The following NTM variants were observed in gnomAD, a reference collection of about 807,000 sequenced individuals.
NTM encodes IgLON family member 2.
In NTM, 13 loss-of-function variants were observed where a neutral mutation model predicts 42.1. That is an observed-to-expected ratio of 0.31 (90% CI 0.20 to 0.49). NTM has a LOEUF of 0.49. Ranked by LOEUF, NTM falls within the 20% of genes least tolerant of loss-of-function variation. NTM has a pLI of 0.99. For missense variants in NTM, 373 were observed against 452.8 expected, an observed-to-expected ratio of 0.82 and a Z score of 1.60; for synonymous variants, 187 against 179.2, an observed-to-expected ratio of 1.04 and a Z score of -0.35.
At chr11:131,793,427 T>C (rs2136165198) in intron 1 of NTM, among the ~76,000 whole-genome samples, 1 of 152,340 alleles carries the variant, frequency 6.6e-6, no homozygotes, top group Admixed American at 6.5e-5. Flanking sequence ...ACAGATACAC[T>C]GTGCCCAATA....
chr11:131,758,247 C>A (rs779185365), intron 1 of NTM, among the ~76,000 whole-genome samples: 3 of 152,048 alleles, frequency 2.0e-5, no homozygotes, highest in Non-Finnish European at 4.4e-5. Flanking sequence ...TTTAATACAA[C>A]TTCTGTCTTC....
chr11:132,031,197 A>G (rs1185137839), intron 2 of NTM, among the ~76,000 whole-genome samples: 1 of 152,220 alleles, frequency 6.6e-6, no homozygotes, highest in Non-Finnish European at 1.5e-5. Context: ...AATCTACCAC[A>G]CAAACCAGAA....
At chr11:131,925,117 G>A (rs2057761991) in intron 2 of NTM, among the ~76,000 whole-genome samples, 3 of 152,152 alleles carry the variant, frequency 2.0e-5, no homozygotes, top group Non-Finnish European at 4.4e-5. Context: ...TTACCTTGAG[G>A]CAAATGAGCA....
At chr11:131,643,785 AC>A (rs1190577369) in intron 1 of NTM, among the ~76,000 whole-genome samples, 1 of 152,180 alleles carries the variant, frequency 6.6e-6, no homozygotes, top group Admixed American at 6.5e-5. Context: ...TCTGTGGGTC[AC>A]AGAATACAGG....
At chr11:131,940,878 G>GACA (rs962271388) in intron 2 of NTM, among the ~76,000 whole-genome samples, 2 of 152,170 alleles carry the variant, frequency 1.3e-5, no homozygotes. Flanking sequence ...ACCTTGCTTT[G>GACA]ACAACATAGT....
At chr11:132,239,847 C>T (rs2089849521) in intron 4 of NTM, among the ~76,000 whole-genome samples, 1 of 152,234 alleles carries the variant, frequency 6.6e-6, no homozygotes, top group South Asian at 2.1e-4. Context: ...AAGGACATCA[C>T]TAATTTATTT....
intron 1 of NTM, among the ~76,000 whole-genome samples, chr11:131,402,547 T>A (rs769034836): frequency 1.3e-4 from 20 of 152,042 alleles, no homozygotes; most frequent in Non-Finnish European, 1.3e-4. Context: ...ATGGGGCCTA[T>A]AGGAAAACAG....
intron 1 of NTM, among the ~76,000 whole-genome samples, chr11:131,573,392 A>G (rs1263833144): frequency 1.3e-5 from 2 of 152,232 alleles, no homozygotes; most frequent in African/African-American, 4.8e-5. Flanking sequence ...TAGAAAACCA[A>G]CATAAACTAG....
chr11:131,741,439 G>A (rs2081194364), intron 1 of NTM, among the ~76,000 whole-genome samples: 1 of 152,134 alleles, frequency 6.6e-6, no homozygotes, highest in South Asian at 2.1e-4. Context: ...CATGCGCTCT[G>A]TTTTCTCAGA....
chr11:131,435,601 G>A (rs1209764601), intron 1 of NTM, among the ~76,000 whole-genome samples: 2 of 152,238 alleles, frequency 1.3e-5, no homozygotes, highest in East Asian at 1.9e-4. Flanking sequence ...TGTTATTGGT[G>A]CATAGGAATG....
At chr11:132,183,438 G>A (rs768352423) in intron 3 of NTM, among the ~76,000 whole-genome samples, 5 of 152,004 alleles carry the variant, frequency 3.3e-5, no homozygotes, top group Non-Finnish European at 7.4e-5. Context: ...AGACACAGTC[G>A]GTCATTTTTT....
At chr11:131,660,319 G>C (rs1438720189) in intron 1 of NTM, 1 of 363,488 alleles carries the variant, frequency 2.8e-6, no homozygotes, top group Non-Finnish European at 5.5e-6. Context: ...AGATGCTGCA[G>C]GATGAAGAGG....
intron 2 of NTM, among the ~76,000 whole-genome samples, chr11:131,976,916 G>T (rs1299844187): frequency 6.6e-6 from 1 of 152,168 alleles, no homozygotes; most frequent in African/African-American, 2.4e-5. Context: ...GCAGCATGAG[G>T]AATACACAGA....
At chr11:132,188,230 C>T (rs574906348) in intron 3 of NTM, among the ~76,000 whole-genome samples, 2 of 152,182 alleles carry the variant, frequency 1.3e-5, no homozygotes, top group Non-Finnish European at 2.9e-5. Context: ...AACAAAGAGT[C>T]ATCCAGCCCC....
chr11:132,308,655 G>GAGTT (rs1480358940), intron 5 of NTM, among the ~76,000 whole-genome samples: 2 of 151,904 alleles, frequency 1.3e-5, no homozygotes, highest in African/African-American at 4.8e-5. Context: ...GGGTGGCGTG[G>GAGTT]AGTTAGGAGA....
chr11:131,617,312 G>A (rs1199911541), intron 1 of NTM, among the ~76,000 whole-genome samples: 1 of 152,038 alleles, frequency 6.6e-6, no homozygotes, highest in African/African-American at 2.4e-5. Context: ...TACACTTTGC[G>A]GAAAGAAAAC....
At chr11:131,881,985 C>T (rs980930388) in intron 1 of NTM, among the ~76,000 whole-genome samples, 3 of 152,172 alleles carry the variant, frequency 2.0e-5, no homozygotes, top group Non-Finnish European at 2.9e-5. Flanking sequence ...CTTTGCCTAA[C>T]ATCAATTAAT....
At chr11:132,310,384 T>G (rs2095245133) in intron 6 of NTM, 152 bp downstream of exon 6, 1 of 672,426 alleles carries the variant, frequency 1.5e-6, no homozygotes, top group Non-Finnish European at 2.3e-6. Flanking sequence ...AAGTCTTTTC[T>G]TAACATTAAT....
chr11:131,946,049 C>T (rs771693731), intron 2 of NTM, among the ~76,000 whole-genome samples: 1 of 152,090 alleles, frequency 6.6e-6, no homozygotes, highest in South Asian at 2.1e-4. Context: ...TGATAGAACC[C>T]AGAAGTTATA....
Sources: gnomAD v4.1 joint callset for allele counts (sites outside exome capture counted in the v4.1 genomes callset) on GRCh38, gnomAD v4.1.1 for gene constraint, MANE v1.5 for transcripts, NCBI Gene and HGNC (gene_info 2026-07-23, HGNC 2026-07-21) for gene names.